Variants in SGCE observed in about 807,000 individuals in gnomAD.
SGCE encodes epsilon-sarcoglycan.
In SGCE, 26 loss-of-function variants were observed where a neutral mutation model predicts 57.8. The ratio of observed to expected loss-of-function variants is 0.45; its 90% CI spans 0.33 to 0.62. SGCE has a LOEUF of 0.62. Ranked by LOEUF, SGCE falls within the 20% of genes least tolerant of loss-of-function variation. The probability of loss-of-function intolerance (pLI) is 0.02; values close to 1 mark genes in which losing one functional copy is unlikely to be tolerated. For synonymous variants in SGCE, 183 were observed against 189.5 expected, an observed-to-expected ratio of 0.97 and a Z score of 0.28; for missense variants, 468 against 548.6, an observed-to-expected ratio of 0.85 and a Z score of 1.47.
intron 1 of SGCE, among the ~76,000 whole-genome samples, chr7:94,647,439 A>G (rs1316550421): frequency 6.6e-6 from 1 of 152,106 alleles, no homozygotes; most frequent in East Asian, 1.9e-4. Flanking sequence ...CTCAATTACT[A>G]AAGGAGCTTA....
intron 8 of SGCE, chr7:94,599,393 T>C: frequency 2.8e-6 from 1 of 354,848 alleles, no homozygotes; most frequent in South Asian, 5.4e-5. Flanking sequence ...GGTCTTTTCA[T>C]CTGTTCTCTG....
intron 4 of SGCE, 84 bp downstream of exon 4, chr7:94,623,241 T>C: frequency 1.2e-6 from 1 of 833,180 alleles, no homozygotes; most frequent in East Asian, 2.7e-5. Context: ...CATTTTAAAA[T>C]TCTTGACTAT....
chr7:94,592,978 G>A (rs1455540128), intron 9 of SGCE, among the ~76,000 whole-genome samples: 1 of 151,954 alleles, frequency 6.6e-6, no homozygotes, highest in African/African-American at 2.4e-5. Flanking sequence ...AAATATTCTT[G>A]GCTGCCTGAT....
At chr7:94,650,914 C>A (rs1448641453) in intron 1 of SGCE, among the ~76,000 whole-genome samples, 3 of 152,184 alleles carry the variant, frequency 2.0e-5, no homozygotes, top group African/African-American at 7.2e-5. Flanking sequence ...GATTGCCAGA[C>A]CCTTCAACAT....
rs560749511 is a variant in SGCE at position 94,625,933 on chromosome 7, T to C, written c.390+2269A>G. 3 of 152,182 alleles carry C rather than the reference T, an allele frequency of 2.0e-5. No homozygotes were observed. The East Asian group carries it at 5.8e-4, about 29-fold the overall frequency. The allele number at this position is 152,182 out of a possible 1,614,324, so 9.4% of individuals were successfully genotyped here. A position where few individuals can be genotyped will look rare whatever the true frequency, so the allele number is the denominator to read the frequency against. ...TGCTAGAAGTAGGACTGCCAGATAATAAGGTACAGGGATACTCAACTGTAT... is the reference window on the plus strand; with the variant it reads ...TGCTAGAAGTAGGACTGCCAGATAACAAGGTACAGGGATACTCAACTGTAT... On this transcript the variant is annotated intron_variant, in intron 3 of 10. Coordinates refer to ENST00000648936, the MANE Select transcript of SGCE (RefSeq NM_003919.3).
chr7:94,618,903 C>T lies in SGCE; in HGVS notation c.517G>A (p.Glu173Lys), dbSNP rs1802344596. 1 of 1,613,950 alleles carries T rather than the reference C, an allele frequency of 6.2e-7. No individual in the cohort carries two copies. Residue 173 changes from glutamate (E) to lysine (K), a missense_variant, in exon 5 of 11, where the codon GAA becomes AAA. By Grantham distance (56) the Glu-to-Lys change is moderately conservative. Coordinates refer to ENST00000648936, the MANE Select transcript of SGCE (RefSeq NM_003919.3). Reference protein sequence around the residue: ...EFFIKNMNVEEMLASEVLGDF... With the variant: ...EFFIKNMNVEKMLASEVLGDF... ...CCAAGAACCTCACTGGCCAACATTTCTTCTACATTCATATTCTTAATGAAG... is the reference window on the plus strand; with the variant it reads ...CCAAGAACCTCACTGGCCAACATTTTTTCTACATTCATATTCTTAATGAAG...
At chr7:94,648,917 C>G (rs955477953) in intron 1 of SGCE, among the ~76,000 whole-genome samples, 1 of 152,150 alleles carries the variant, frequency 6.6e-6, no homozygotes, top group African/African-American at 2.4e-5. Flanking sequence ...AAATTTGCAG[C>G]GAACCCCAAA....
At chr7:94,603,260 T>C in intron 6 of SGCE, 30 bp downstream of exon 6, 1 of 1,583,560 alleles carries the variant, frequency 6.3e-7, no homozygotes, top group Non-Finnish European at 8.7e-7. Flanking sequence ...TATTTTTAAC[T>C]AAACTTGCAA....
At chr7:94,585,559 A>T (rs376394406) in intron 10 of SGCE, 44 bp from the exon 11 acceptor site, 3 of 1,363,456 alleles carry the variant, frequency 2.2e-6, no homozygotes, top group East Asian at 4.6e-5. Context: ...TAGTCAGGGC[A>T]TGGATACTTT....
rs748722001 is a variant in SGCE at position 94,629,693 on chromosome 7, CT to C, written c.232+25del. ...AACAAAAAATTTAGTACGTTAACTGCTTTTTTTTCCTCACAAAGAACATACC... is the reference window on the plus strand; with the variant it reads ...AACAAAAAATTTAGTACGTTAACTGCTTTTTTTCCTCACAAAGAACATACC... On this transcript the variant is annotated intron_variant, in intron 2 of 10. Transcript: ENST00000648936. 21 of 1,607,750 alleles carry C rather than the reference CT, an allele frequency of 1.3e-5. No individual in the cohort carries two copies. The African/African-American group carries it at 1.5e-4, about 11-fold the overall frequency.
intron 10 of SGCE, chr7:94,587,403 C>G (rs1021137439): frequency 1.8e-6 from 2 of 1,123,248 alleles, no homozygotes; most frequent in African/African-American, 3.2e-5. Context: ...CACTCCATGC[C>G]TGAAATAATT....
At chr7:94,625,048 CTTA>C (rs1408232285) in intron 3 of SGCE, 1 of 151,876 alleles carries the variant, frequency 6.6e-6, no homozygotes, top group African/African-American at 2.4e-5. Flanking sequence ...TCAGATTTTA[CTTA>C]TTATGATGAT....
At chr7:94,592,689 T>A (rs1422668463) in intron 9 of SGCE, among the ~76,000 whole-genome samples, 1 of 152,138 alleles carries the variant, frequency 6.6e-6, no homozygotes, top group Non-Finnish European at 1.5e-5. Flanking sequence ...ACACAATTAT[T>A]TCTTATGTGT....
At chr7:94,638,128 A>T (rs1209218515) in intron 1 of SGCE, among the ~76,000 whole-genome samples, 2 of 152,228 alleles carry the variant, frequency 1.3e-5, no homozygotes, top group Non-Finnish European at 2.9e-5. Flanking sequence ...CTATGAGATC[A>T]TGGGCCTGTG....
intron 5 of SGCE, among the ~76,000 whole-genome samples, chr7:94,608,974 T>C (rs1415006704): frequency 6.6e-6 from 1 of 152,140 alleles, no homozygotes; most frequent in Admixed American, 6.5e-5. Flanking sequence ...TAGAAGATAA[T>C]AGAGGAGAAA....
intron 10 of SGCE, chr7:94,588,077 T>C (rs1019229603): frequency 2.6e-5 from 34 of 1,325,542 alleles, no homozygotes; most frequent in Middle Eastern, 2.8e-4. Context: ...GAATAAGTTA[T>C]CTACTCAGTA....
intron 5 of SGCE, among the ~76,000 whole-genome samples, chr7:94,611,849 G>T (rs1201994853): frequency 6.6e-6 from 1 of 152,070 alleles, no homozygotes; most frequent in East Asian, 1.9e-4. Flanking sequence ...TCATTTGAAA[G>T]ATTATCTTTT....
chr7:94,620,870 C>T (rs1026287110), intron 4 of SGCE: 1 of 152,240 alleles, frequency 6.6e-6, no homozygotes, highest in Non-Finnish European at 1.5e-5. Context: ...GCTGCCAGGC[C>T]TCCCAGAGAT....
chr7:94,630,039 T>C, intron 1 of SGCE, 198 bp from the exon 2 acceptor site: 1 of 571,808 alleles, frequency 1.7e-6, no homozygotes, highest in Non-Finnish European at 3.0e-6. Flanking sequence ...GAAAAAATTC[T>C]TTTGATTTGT....
Sources: allele counts gnomAD v4.1 joint callset (sites outside exome capture counted in the v4.1 genomes callset), GRCh38; gene constraint gnomAD v4.1.1; transcripts MANE v1.5; gene names NCBI Gene and HGNC (gene_info 2026-07-23, HGNC 2026-07-21).